The following PSMD12 variants were observed in gnomAD, a reference collection of about 807,000 sequenced individuals.
The protein encoded by PSMD12 is proteasome 26S subunit, non-ATPase 12.
PSMD12 carries 8 observed loss-of-function variants against 62.9 expected under a neutral mutation model. That is an observed-to-expected ratio of 0.13 (90% CI 0.07 to 0.23). The LOEUF is 0.23. Among genes scored for constraint, PSMD12 ranks in the 10% least tolerant of loss-of-function variants. PSMD12 has a pLI of 1.00. For synonymous variants in PSMD12, 173 were observed against 187.4 expected, an observed-to-expected ratio of 0.92 and a Z score of 0.63; for missense variants, 424 against 550.2, an observed-to-expected ratio of 0.77 and a Z score of 2.29.
At chr17:67,363,422 A>C (rs1298770857) in intron 1 of PSMD12, among the ~76,000 whole-genome samples, 1 of 152,164 alleles carries the variant, frequency 6.6e-6, no homozygotes, top group Admixed American at 6.5e-5. Flanking sequence ...TATATACACA[A>C]TTTTCATCTT....
At chr17:67,359,157 C>A (rs2042106615) in intron 1 of PSMD12, among the ~76,000 whole-genome samples, 1 of 152,014 alleles carries the variant, frequency 6.6e-6, no homozygotes, top group Non-Finnish European at 1.5e-5. Context: ...GAATTCGAGA[C>A]CAGCATGGAA....
chr17:67,350,330 C>T lies in PSMD12; in HGVS notation c.304G>A (p.Ala102Thr). The change falls in exon 4 of 11, where the codon GCC becomes ACC. Residue 102 changes from alanine (A) to threonine (T), a missense_variant. By Grantham distance (58) the Ala-to-Thr change is moderately conservative (BLOSUM62 0). Transcript: ENST00000356126. ...KRRSQLKQAV[A>T]KMVQQCCTYV... ...GTACAGCACTGTTGAACCATTTTGGCAACAGCCTAAAATATTAAAAACCAT... is the reference window on the plus strand; with the variant it reads ...GTACAGCACTGTTGAACCATTTTGGTAACAGCCTAAAATATTAAAAACCAT... The T allele has an allele frequency of 6.3e-7, 1 of 1,596,056 alleles. No homozygotes were observed. The highest frequency in any genetic ancestry group is 8.5e-7 in the Non-Finnish European group (1 of 1,172,626).
At chr17:67,348,760 G>T in intron 4 of PSMD12, 106 bp from the exon 5 acceptor site, 1 of 894,394 alleles carries the variant, frequency 1.1e-6, no homozygotes, top group Non-Finnish European at 1.7e-6. Context: ...CATTTTGGAA[G>T]GCTGAGGCAG....
chr17:67,345,646 A>C, intron 8 of PSMD12, 99 bp downstream of exon 8: 1 of 968,052 alleles, frequency 1.0e-6, no homozygotes, highest in Admixed American at 2.2e-5. Flanking sequence ...CCATCTCAAA[A>C]AAAGAAGTAT....
At chr17:67,361,479 G>A (rs888904283) in intron 1 of PSMD12, among the ~76,000 whole-genome samples, 10 of 152,130 alleles carry the variant, frequency 6.6e-5, no homozygotes, top group African/African-American at 2.4e-4. Flanking sequence ...CTACTTGGGA[G>A]GCTGAGGCAC....
chr17:67,357,960 C>T (rs1057148608), intron 1 of PSMD12, among the ~76,000 whole-genome samples: 1 of 150,838 alleles, frequency 6.6e-6, no homozygotes, highest in Admixed American at 6.6e-5. Flanking sequence ...CTCACTCTTT[C>T]ACCCAGGCTG....
chr17:67,360,853 A>C (rs1378661933), intron 1 of PSMD12, among the ~76,000 whole-genome samples: 1 of 152,238 alleles, frequency 6.6e-6, no homozygotes, highest in Non-Finnish European at 1.5e-5. Flanking sequence ...AATAAGCAGG[A>C]TGTGACAAAC....
rs398039153 is a variant in PSMD12, at chr17:67,358,567, C to CAA, written c.109-991_109-990dup. Among the ~76,000 whole-genome samples the CAA allele has an allele frequency of 6.0e-3, 447 of 74,054 alleles. 19 individuals carry two copies. The highest frequency in any genetic ancestry group is 0.023 in the African/African-American group (433 of 18,664). 48.6% of individuals were successfully genotyped at this position (74,054 alleles called of 152,430 possible). Reference sequence around the variant, plus strand: ...TGGGCGACAGAGTGAGAACCTGTCTCAAAAAAAAAAAAAAAAAAAGAAAAG... The same window carrying CAA: ...TGGGCGACAGAGTGAGAACCTGTCTCAAAAAAAAAAAAAAAAAAAAAGAAAAG... On this transcript the variant is annotated intron_variant, in intron 1 of 10. Transcript: ENST00000356126.
intron 3 of PSMD12, chr17:67,355,327 A>C (rs2042058399): frequency 6.6e-6 from 1 of 152,276 alleles, no homozygotes; most frequent in Non-Finnish European, 1.5e-5. Flanking sequence ...CCTGGGCTCA[A>C]GCAATCCACC....
chr17:67,351,020 C>T (rs1017544180), intron 3 of PSMD12, among the ~76,000 whole-genome samples: 4 of 151,986 alleles, frequency 2.6e-5, no homozygotes, highest in Non-Finnish European at 4.4e-5. Context: ...AAATAGGAGG[C>T]GGGTGGGATT....
chr17:67,338,604 A>G lies in PSMD12; in HGVS notation c.*2239T>C. 1 of 152,484 alleles carries G rather than the reference A, an allele frequency of 6.6e-6. No homozygotes were observed. Among genetic ancestry groups the G allele is most frequent in the Non-Finnish European group, 1.5e-5 (1 of 68,150 alleles). The allele number at this position is 152,484 out of a possible 1,614,324, so 9.4% of individuals were successfully genotyped here. A position where few individuals can be genotyped will look rare whatever the true frequency, so the allele number is the denominator to read the frequency against. On this transcript the variant is annotated 3_prime_UTR_variant, in exon 11 of 11. Transcript: ENST00000356126. ...TGCAGTGGCTCATGCCTGTAATCCC[A>G]GCACTTTGGGCAGCCAAGGCGGGTG...
At chr17:67,364,620 T>C (rs1030840063) in intron 1 of PSMD12, among the ~76,000 whole-genome samples, 3 of 152,234 alleles carry the variant, frequency 2.0e-5, no homozygotes, top group Non-Finnish European at 4.4e-5. Context: ...TTATGGACAC[T>C]ATCATTCTAT....
chr17:67,357,858 A>C (rs1303866125), intron 1 of PSMD12, among the ~76,000 whole-genome samples: 1 of 152,164 alleles, frequency 6.6e-6, no homozygotes, highest in South Asian at 2.1e-4. Context: ...GTAACACCTA[A>C]GAAAACATCA....
At position 67,340,709 on chromosome 17, in the gene PSMD12, G is replaced by A. The variant is rs982303974; in HGVS notation, c.*134C>T. The A allele has an allele frequency of 1.8e-5, 11 of 617,432 alleles. No homozygotes were observed. Among genetic ancestry groups the A allele is most frequent in the Admixed American group, 4.3e-5 (1 of 23,340 alleles). 38.2% of individuals were successfully genotyped at this position (617,432 alleles called of 1,614,324 possible). ...ACTTGGGGAACTGAAAGGTCAAAGG[G>A]AGTCTCAAACATATTCACTATTTTA... is the stretch of plus-strand genomic sequence containing the variant. On this transcript the variant is annotated 3_prime_UTR_variant, in exon 11 of 11. Coordinates refer to ENST00000356126, the MANE Select transcript of PSMD12 (RefSeq NM_002816.5).
intron 4 of PSMD12, among the ~76,000 whole-genome samples, 170 bp downstream of exon 4, chr17:67,350,058 TG>T (rs1482725765): frequency 6.6e-6 from 1 of 152,202 alleles, no homozygotes; most frequent in Non-Finnish European, 1.5e-5. Flanking sequence ...TAGATTCATT[TG>T]CAGAAAGGGA....
chr17:67,346,822 C>A (rs988132790), intron 7 of PSMD12, among the ~76,000 whole-genome samples: 1 of 152,170 alleles, frequency 6.6e-6, no homozygotes, highest in Non-Finnish European at 1.5e-5. Flanking sequence ...CCCCTTAAAA[C>A]AGCTTTTGTA....
chr17:67,356,012 A>ACACG (rs1555641680), intron 3 of PSMD12, among the ~76,000 whole-genome samples: 36 of 149,648 alleles, frequency 2.4e-4, no homozygotes, highest in African/African-American at 8.8e-4. Context: ...ACACACACGC[A>ACACG]CACACACACA....
At chr17:67,356,465 G>T (rs563042862) in intron 3 of PSMD12, among the ~76,000 whole-genome samples, 37 of 143,890 alleles carry the variant, frequency 2.6e-4, no homozygotes, top group African/African-American at 9.4e-4. Flanking sequence ...GGCTGAGGCA[G>T]GAGAATGGCG....
At chr17:67,344,457 A>T in intron 9 of PSMD12, 149 bp downstream of exon 9, 1 of 748,754 alleles carries the variant, frequency 1.3e-6, no homozygotes, top group Non-Finnish European at 2.1e-6. Context: ...CTAAGTGAAG[A>T]ATTAAACACA....
Sources: allele counts gnomAD v4.1 joint callset (sites outside exome capture counted in the v4.1 genomes callset), GRCh38; gene constraint gnomAD v4.1.1; transcripts MANE v1.5; gene names NCBI Gene and HGNC (gene_info 2026-07-23, HGNC 2026-07-21).